The following USH1C variants were observed in gnomAD, a reference collection of about 807,000 sequenced individuals.
USH1C encodes the protein USH1 protein network component harmonin.
Under a neutral mutation model 119.3 loss-of-function variants are expected in USH1C, and 90 were observed. The observed-to-expected ratio is 0.75, with a 90% CI of 0.64 to 0.90. The LOEUF (loss-of-function observed/expected upper bound fraction) is 0.90, where lower values mean the gene tolerates loss of function less well. USH1C is among the 40% of genes least tolerant of loss of function. USH1C has a pLI of 0.00. For missense variants in USH1C, 1,165 were observed against 1,167.7 expected (o/e 1.00, Z 0.03); for synonymous variants, 465 against 443.3 (o/e 1.05, Z -0.62).
intron 8 of USH1C, 91 bp downstream of exon 8, chr11:17,526,255 TC>T (rs1309072833): frequency 8.3e-6 from 9 of 1,090,684 alleles, no homozygotes; most frequent in African/African-American, 1.5e-5. Context: ...GGGCAAGGTT[TC>T]CTCGGAAGTG....
intron 8 of USH1C, among the ~76,000 whole-genome samples, chr11:17,525,042 G>A (rs769406537): frequency 6.6e-6 from 1 of 152,080 alleles, no homozygotes; most frequent in African/African-American, 2.4e-5. Flanking sequence ...TAAACTAGCC[G>A]CTCTGTTCTC....
rs577772690 is a variant in USH1C at position 17,533,424 on chromosome 11, T to A, written c.37-102A>T. 1.9e-5 allele frequency: 16 copies of A among 845,838 alleles called. No individual in the cohort carries two copies. In the African/African-American group the frequency reaches 2.4e-4, roughly 13 times the overall value. 52.4% of individuals were successfully genotyped at this position (845,838 alleles called of 1,614,324 possible). A position where few individuals can be genotyped will look rare whatever the true frequency, so the allele number is the denominator to read the frequency against. ...ATCCCCAAGGGCCTCCCCAGCAGCT[T>A]TTCAGGGCTGGAGTTGTGAGGAGAG... is the stretch of plus-strand genomic sequence containing the variant. On this transcript the variant is annotated intron_variant, in intron 1 of 26. Coordinates refer to ENST00000005226, the MANE Select transcript of USH1C (RefSeq NM_153676.4).
chr11:17,503,389 T>C (rs1383981040), intron 20 of USH1C, among the ~76,000 whole-genome samples: 1 of 152,210 alleles, frequency 6.6e-6, no homozygotes, highest in African/African-American at 2.4e-5. Flanking sequence ...ACTTGTGTTT[T>C]GTGTGAATTT....
At chr11:17,508,084 A>T (rs914334836) in intron 18 of USH1C, among the ~76,000 whole-genome samples, 3 of 152,190 alleles carry the variant, frequency 2.0e-5, no homozygotes, top group African/African-American at 7.2e-5. Flanking sequence ...ACTCAATCAA[A>T]GTGGAATCAA....
At chr11:17,504,568 A>C in intron 20 of USH1C, 79 bp downstream of exon 20, 1 of 1,515,982 alleles carries the variant, frequency 6.6e-7, no homozygotes, top group Non-Finnish European at 9.2e-7. Flanking sequence ...AGGTACTCCC[A>C]GAGAGAAAGA....
Position 17,527,036 on chromosome 11 carries a change from G to C in USH1C, c.501C>G (p.Ile167Met), listed in dbSNP as rs1382747364. Residue 167 changes from isoleucine (I) to methionine (M), a missense_variant, in exon 6 of 27, where the codon ATC (isoleucine) becomes ATG (methionine). Ile to Met is a conservative substitution (Grantham distance 10). Transcript: ENST00000005226. ...CTCACCTTTTCACGGGGATCAGGCC[G>C]ATGTCTGCGGGAGAAAGGCACAGGG... ...KKTVSIKVRHIGLIPVKSSPD... is the reference protein window; with the variant it reads ...KKTVSIKVRHMGLIPVKSSPD... The C allele has an allele frequency of 6.4e-7, 1 of 1,556,560 alleles. No individual in the cohort carries two copies. The highest frequency in any genetic ancestry group is 2.4e-5 in the East Asian group (1 of 41,570).
intron 18 of USH1C, 139 bp downstream of exon 18, chr11:17,509,217 G>T: frequency 8.2e-7 from 1 of 1,214,764 alleles, no homozygotes; most frequent in Non-Finnish European, 1.1e-6. Context: ...ACATGCACAC[G>T]GAGGGGGCAT....
chr11:17,530,707 C>A (rs1252649349), intron 4 of USH1C, among the ~76,000 whole-genome samples: 3 of 152,220 alleles, frequency 2.0e-5, no homozygotes, highest in Non-Finnish European at 4.4e-5. Flanking sequence ...CACCAAGTCA[C>A]ACAGCCTAAT....
At chr11:17,507,939 T>C (rs1294189427) in intron 18 of USH1C, among the ~76,000 whole-genome samples, 1 of 152,228 alleles carries the variant, frequency 6.6e-6, no homozygotes. Flanking sequence ...GCATATTTTA[T>C]AGCAGAAGCC....
intron 1 of USH1C, 48 bp from the exon 2 acceptor site, chr11:17,533,370 C>G (rs375816874): frequency 7.3e-7 from 1 of 1,366,890 alleles, no homozygotes; most frequent in African/African-American, 1.4e-5. Context: ...AGCACCCGCC[C>G]CCATAGCAGA....
chr11:17,501,453 G>A lies in USH1C; in HGVS notation c.2280+29C>T, dbSNP rs114971046. 4.0e-3 allele frequency: 6,380 copies of A among 1,608,536 alleles called. 232 individuals carry two copies. The African/African-American group carries it at 0.075, about 19-fold the overall frequency. On this transcript the variant is annotated intron_variant, in intron 22 of 26. Transcript: ENST00000005226. The stretch of plus-strand genomic sequence containing the variant: ...AGGGGCAGGCACAGAGAGGGATGGC[G>A]GCCCACCGGCCTCCACATGCCCAGG...
chr11:17,524,622 A>G, intron 8 of USH1C, 87 bp from the exon 9 acceptor site: 1 of 1,452,128 alleles, frequency 6.9e-7, no homozygotes, highest in Non-Finnish European at 9.5e-7. Context: ...CTGAGGACTG[A>G]AGGCCCTTGA....
rs572610219 is a variant in USH1C at position 17,522,948 on chromosome 11, C to T, written c.877-22G>A. 4.4e-6 allele frequency: 7 copies of T among 1,605,504 alleles called. No homozygotes were observed. In the East Asian group the frequency reaches 1.1e-4, roughly 26 times the overall value. On this transcript the variant is annotated intron_variant, in intron 11 of 26. Coordinates refer to ENST00000005226, the MANE Select transcript of USH1C (RefSeq NM_153676.4). ...GGCCCTCATGGGAGAAAAGAGGCCC[C>T]TTGCTCAGCCCCCGGGGAACCTGGG...
chr11:17,521,206 G>A, intron 13 of USH1C, 140 bp downstream of exon 13: 2 of 1,068,094 alleles, frequency 1.9e-6, no homozygotes, highest in South Asian at 2.6e-5. Context: ...AATATGACAG[G>A]CTTTACTACA....
chr11:17,516,596 G>A (rs1318860808), intron 14 of USH1C: 2 of 430,050 alleles, frequency 4.7e-6, no homozygotes, highest in East Asian at 4.9e-5. Context: ...AAAACCCCTT[G>A]TGGAAGGATG....
At chr11:17,532,705 T>A (rs1273640780) in intron 2 of USH1C, among the ~76,000 whole-genome samples, 1 of 152,226 alleles carries the variant, frequency 6.6e-6, no homozygotes, top group Non-Finnish European at 1.5e-5. Flanking sequence ...TGCTTTTACC[T>A]CTACTTAGCA....
At chr11:17,504,019 G>A (rs1380182963) in intron 20 of USH1C, among the ~76,000 whole-genome samples, 2 of 152,166 alleles carry the variant, frequency 1.3e-5, no homozygotes, top group East Asian at 3.9e-4. Flanking sequence ...CTCTGTCCTG[G>A]GGTTTCTTTC....
At chr11:17,505,476 G>T (rs1032276543) in intron 19 of USH1C, among the ~76,000 whole-genome samples, 12 of 152,244 alleles carry the variant, frequency 7.9e-5, no homozygotes, top group African/African-American at 2.9e-4. Context: ...CTTTCCTCGA[G>T]TGTTAAACAG....
At chr11:17,520,405 G>C (rs1850358366) in intron 14 of USH1C, among the ~76,000 whole-genome samples, 1 of 152,150 alleles carries the variant, frequency 6.6e-6, no homozygotes, top group Non-Finnish European at 1.5e-5. Context: ...GAGACACTTA[G>C]TAAGCTCCTC....
Sources: gnomAD v4.1 joint callset for allele counts (sites outside exome capture counted in the v4.1 genomes callset) on GRCh38, gnomAD v4.1.1 for gene constraint, MANE v1.5 for transcripts, NCBI Gene and HGNC (gene_info 2026-07-23, HGNC 2026-07-21) for gene names.